The following MGAT4C variants were observed in gnomAD, a reference collection of about 807,000 sequenced individuals.
The protein encoded by MGAT4C is alpha-1,3-mannosyl-glycoprotein 4-beta-N-acetylglucosaminyltransferase C.
Under a neutral mutation model 40.1 loss-of-function variants are expected in MGAT4C, and 19 were observed. The observed-to-expected ratio is 0.47, with a 90% CI of 0.33 to 0.70. The LOEUF (loss-of-function observed/expected upper bound fraction) is 0.70. Among genes scored for constraint, MGAT4C ranks in the 30% least tolerant of loss-of-function variants. The probability of loss-of-function intolerance (pLI) is 0.02; values close to 1 mark genes in which losing one functional copy is unlikely to be tolerated. For missense variants in MGAT4C, 491 were observed against 563.2 expected (o/e 0.87, Z 1.30); for synonymous variants, 181 against 187.1 (o/e 0.97, Z 0.27).
chr12:86,512,245 C>T (rs888028867), intron 2 of MGAT4C, among the ~76,000 whole-genome samples: 2 of 152,008 alleles, frequency 1.3e-5, no homozygotes, highest in African/African-American at 2.4e-5. Context: ...GTTAGGACTA[C>T]CATTATTAAA....
intron 2 of MGAT4C, among the ~76,000 whole-genome samples, chr12:86,509,284 G>C (rs1592934172): frequency 2.6e-5 from 4 of 152,160 alleles, no homozygotes; most frequent in Admixed American, 2.0e-4. Context: ...CATATGGCTA[G>C]CCAGTTTTCC....
At chr12:86,729,441 G>A (rs974440730) in intron 1 of MGAT4C, among the ~76,000 whole-genome samples, 1 of 152,128 alleles carries the variant, frequency 6.6e-6, no homozygotes, top group Admixed American at 6.5e-5. Context: ...CTGAAGGCAG[G>A]TGTAAAAGAT....
At chr12:86,567,217 A>G (rs541120369) in intron 2 of MGAT4C, among the ~76,000 whole-genome samples, 19 of 152,082 alleles carry the variant, frequency 1.2e-4, no homozygotes, top group African/African-American at 4.6e-4. Context: ...ACCAATCACC[A>G]TCACCCCTGG....
intron 2 of MGAT4C, among the ~76,000 whole-genome samples, chr12:86,596,308 C>T (rs1257115739): frequency 1.3e-5 from 2 of 152,158 alleles, no homozygotes. Context: ...GCCTCATCTT[C>T]AGACCCAGAA....
At chr12:86,416,756 T>C (rs1471083220) in intron 3 of MGAT4C, among the ~76,000 whole-genome samples, 2 of 152,112 alleles carry the variant, frequency 1.3e-5, no homozygotes, top group African/African-American at 4.8e-5. Flanking sequence ...ATGCTCAATA[T>C]TATGAGTTGA....
chr12:86,630,729 A>G (rs1963004645), intron 2 of MGAT4C, among the ~76,000 whole-genome samples: 2 of 152,126 alleles, frequency 1.3e-5, no homozygotes. Flanking sequence ...CTCTCAATAA[A>G]CTAGGTATTG....
intron 1 of MGAT4C, among the ~76,000 whole-genome samples, chr12:86,803,248 T>G (rs1035835789): frequency 1.2e-4 from 18 of 150,840 alleles, no homozygotes; most frequent in African/African-American, 3.9e-4. Flanking sequence ...CCCTTACACC[T>G]TATACAAAAA....
At chr12:86,418,351 C>A (rs907833065) in intron 3 of MGAT4C, among the ~76,000 whole-genome samples, 2 of 151,930 alleles carry the variant, frequency 1.3e-5, no homozygotes, top group African/African-American at 4.8e-5. Context: ...GCCTATAATC[C>A]CAACACTTTG....
chr12:86,814,202 T>C (rs1421832008), intron 1 of MGAT4C, among the ~76,000 whole-genome samples: 1 of 151,322 alleles, frequency 6.6e-6, no homozygotes, highest in Non-Finnish European at 1.5e-5. Context: ...GCAAATTATT[T>C]ATTTTTTAAG....
At chr12:86,460,739 C>T (rs1202188508) in intron 2 of MGAT4C, among the ~76,000 whole-genome samples, 1 of 151,506 alleles carries the variant, frequency 6.6e-6, no homozygotes, top group Non-Finnish European at 1.5e-5. Context: ...TTTTTTTCTT[C>T]CCTGAGAAAT....
At chr12:86,717,324 TA>T (rs1291975651) in intron 2 of MGAT4C, among the ~76,000 whole-genome samples, 2 of 152,098 alleles carry the variant, frequency 1.3e-5, no homozygotes, top group East Asian at 3.9e-4. Flanking sequence ...GTCAATAATT[TA>T]AAACATTGAT....
chr12:86,159,357 C>T (rs1885332905), intron 1 of MGAT4C, among the ~76,000 whole-genome samples: 1 of 150,290 alleles, frequency 6.7e-6, no homozygotes, highest in African/African-American at 2.4e-5. Context: ...CGCCTCACAT[C>T]TCAGGAATAA....
chr12:86,251,131 G>GTTTTTTTTTT (rs5799770), intron 1 of MGAT4C, among the ~76,000 whole-genome samples: 5 of 138,108 alleles, frequency 3.6e-5, no homozygotes, highest in Non-Finnish European at 4.7e-5. Context: ...TTTATTTCCC[G>GTTTTTTTTTT]TTTTTTTTTT....
At chr12:86,188,146 G>A (rs575390890) in intron 1 of MGAT4C, among the ~76,000 whole-genome samples, 75 of 152,004 alleles carry the variant, frequency 4.9e-4, no homozygotes, top group Non-Finnish European at 7.2e-4. Flanking sequence ...TTTCAAATAG[G>A]AGTATAAAAC....
chr12:86,502,857 T>A, intron 2 of MGAT4C, among the ~76,000 whole-genome samples: 1 of 82,866 alleles, frequency 1.2e-5, no homozygotes, highest in African/African-American at 5.8e-5. Flanking sequence ...TATATATGAG[T>A]TCTGCTCATA....
intron 2 of MGAT4C, among the ~76,000 whole-genome samples, chr12:86,478,767 AT>A (rs1313482961): frequency 6.6e-6 from 1 of 152,088 alleles, no homozygotes; most frequent in Non-Finnish European, 1.5e-5. Flanking sequence ...CAACCATATT[AT>A]GCTATTATTA....
chr12:86,256,211 G>T (rs1383525021), intron 1 of MGAT4C, 28 bp downstream of exon 1: 1 of 151,988 alleles, frequency 6.6e-6, no homozygotes, highest in Non-Finnish European at 1.5e-5. Context: ...TATTTTAAAA[G>T]AGAAGGTAAA....
At chr12:86,463,835 T>C (rs1410273402) in intron 2 of MGAT4C, among the ~76,000 whole-genome samples, 2 of 152,142 alleles carry the variant, frequency 1.3e-5, no homozygotes, top group East Asian at 3.9e-4. Flanking sequence ...CCATTTCTAC[T>C]GGGGATATTG....
At chr12:86,333,929 T>C (rs1954729053) in intron 4 of MGAT4C, 1 of 152,190 alleles carries the variant, frequency 6.6e-6, no homozygotes, top group Non-Finnish European at 1.5e-5. Flanking sequence ...TCTCACTTTC[T>C]GTATTCCTTA....
Sources: gnomAD v4.1 joint callset for allele counts (sites outside exome capture counted in the v4.1 genomes callset) on GRCh38, gnomAD v4.1.1 for gene constraint, MANE v1.5 for transcripts, NCBI Gene and HGNC (gene_info 2026-07-23, HGNC 2026-07-21) for gene names.